The following PDE1A variants were observed in gnomAD, a reference collection of about 807,000 sequenced individuals.
PDE1A encodes the protein dual specificity calcium/calmodulin-dependent 3',5'-cyclic nucleotide phosphodiesterase 1A.
In PDE1A, 35 loss-of-function variants were observed where a neutral mutation model predicts 61.7. The ratio of observed to expected loss-of-function variants is 0.57; its 90% CI spans 0.43 to 0.75. PDE1A has a LOEUF of 0.75. Ranked by LOEUF, PDE1A falls within the 30% of genes least tolerant of loss-of-function variation. PDE1A has a pLI of 0.00. For synonymous variants in PDE1A, 232 were observed against 213.2 expected (o/e 1.09, Z -0.77); for missense variants, 597 against 630.6 (o/e 0.95, Z 0.57).
chr2:182,242,887 T>TCTCTCTCC (rs1185372464), intron 2 of PDE1A, among the ~76,000 whole-genome samples: 9,550 of 72,204 alleles, frequency 0.13, 579 homozygotes, highest in East Asian at 0.25. Context: ...CTCCTCCCTC[T>TCTCTCTCC]CTCTCTCTCT....
At chr2:182,559,572 T>G in the PDE1A span, among the ~76,000 whole-genome samples, 6 of 152,296 alleles carry the variant, frequency 3.9e-5, no homozygotes, top group Middle Eastern at 0.017. Context: ...TACTTTACGG[T>G]ACCTACTAAA....
intron 2 of PDE1A, among the ~76,000 whole-genome samples, chr2:182,488,445 A>C (rs953933685): frequency 1.3e-5 from 2 of 152,204 alleles, no homozygotes; most frequent in African/African-American, 4.8e-5. Flanking sequence ...TGAAAAAGCA[A>C]ATCATATAAT....
At chr2:182,383,938 T>C (rs1184152171) in intron 1 of PDE1A, among the ~76,000 whole-genome samples, 1 of 152,180 alleles carries the variant, frequency 6.6e-6, no homozygotes, top group Non-Finnish European at 1.5e-5. Flanking sequence ...AAGACTTCTA[T>C]AGTCTCATAC....
At chr2:182,455,407 G>A (rs1179129819) in intron 2 of PDE1A, among the ~76,000 whole-genome samples, 4 of 151,794 alleles carry the variant, frequency 2.6e-5, no homozygotes, top group Non-Finnish European at 5.9e-5. Context: ...CCATTACTGG[G>A]TATATATCCA....
At chr2:182,172,993 G>C (rs1460447310) in intron 13 of PDE1A, among the ~76,000 whole-genome samples, 1 of 151,922 alleles carries the variant, frequency 6.6e-6, no homozygotes, top group Non-Finnish European at 1.5e-5. Context: ...TATCATGTGG[G>C]ATAGACACAA....
intron 1 of PDE1A, among the ~76,000 whole-genome samples, chr2:182,425,785 G>A (rs1010643089): frequency 6.6e-6 from 1 of 152,104 alleles, no homozygotes; most frequent in East Asian, 1.9e-4. Flanking sequence ...ATATTATTTT[G>A]TGGAAAGACA....
At chr2:182,649,671 C>A in the PDE1A span, among the ~76,000 whole-genome samples, 8 of 151,632 alleles carry the variant, frequency 5.3e-5, no homozygotes, top group Admixed American at 5.3e-4. Context: ...ATTGCAGGGG[C>A]GCAATCTCAG....
intron 2 of PDE1A, among the ~76,000 whole-genome samples, chr2:182,472,818 A>G (rs192178472): frequency 2.7e-4 from 41 of 152,050 alleles, no homozygotes; most frequent in African/African-American, 7.2e-4. Context: ...GATTTTCTTT[A>G]GGCAAAAAGA....
chr2:182,713,135 A>G, the PDE1A span, among the ~76,000 whole-genome samples: 8 of 152,078 alleles, frequency 5.3e-5, no homozygotes, highest in African/African-American at 2.4e-5. Context: ...TTTTGCCCAT[A>G]TATGTTAAAT....
At chr2:182,315,213 A>G (rs1696257534) in intron 1 of PDE1A, among the ~76,000 whole-genome samples, 1 of 152,194 alleles carries the variant, frequency 6.6e-6, no homozygotes, top group Non-Finnish European at 1.5e-5. Flanking sequence ...AAATACATTT[A>G]TATGCATGTG....
chr2:182,291,411 A>G (rs1355903966), intron 1 of PDE1A, among the ~76,000 whole-genome samples: 3 of 152,148 alleles, frequency 2.0e-5, no homozygotes, highest in African/African-American at 7.2e-5. Flanking sequence ...AGGGTTAATC[A>G]CCCCTTCTGG....
chr2:182,362,056 G>T (rs1699543742), intron 1 of PDE1A, among the ~76,000 whole-genome samples: 1 of 151,976 alleles, frequency 6.6e-6, no homozygotes, highest in African/African-American at 2.4e-5. Context: ...TTTTATGAAA[G>T]AAAAAACAAA....
chr2:182,580,335 T>A, the PDE1A span, among the ~76,000 whole-genome samples: 1 of 152,154 alleles, frequency 6.6e-6, no homozygotes, highest in African/African-American at 2.4e-5. Context: ...GAGATCCAGA[T>A]TGGATTCATC....
the PDE1A span, among the ~76,000 whole-genome samples, chr2:182,697,572 C>T: frequency 6.6e-6 from 1 of 152,196 alleles, no homozygotes; most frequent in Admixed American, 6.5e-5. Flanking sequence ...GGCAAAACAC[C>T]ACGCTGCCAG....
At chr2:182,565,015 G>A in the PDE1A span, among the ~76,000 whole-genome samples, 10 of 152,048 alleles carry the variant, frequency 6.6e-5, no homozygotes, top group Admixed American at 1.3e-4. Context: ...CCTGTAGCTC[G>A]GAGTAGTTTG....
intron 2 of PDE1A, among the ~76,000 whole-genome samples, chr2:182,259,837 C>T (rs968337471): frequency 3.3e-5 from 5 of 152,318 alleles, no homozygotes; most frequent in African/African-American, 1.2e-4. Context: ...TGCTACTTTG[C>T]TTGGCAATAT....
intron 1 of PDE1A, among the ~76,000 whole-genome samples, chr2:182,312,230 C>T (rs1196712914): frequency 1.3e-5 from 2 of 151,794 alleles, no homozygotes; most frequent in South Asian, 2.1e-4. Flanking sequence ...AAATATATTT[C>T]CCTGTCCATG....
intron 1 of PDE1A, among the ~76,000 whole-genome samples, chr2:182,304,306 G>A (rs989059647): frequency 2.0e-5 from 3 of 152,102 alleles, no homozygotes; most frequent in African/African-American, 7.2e-5. Context: ...CTCTGGATTA[G>A]GCTTTGGCTT....
the PDE1A span, among the ~76,000 whole-genome samples, chr2:182,591,493 A>G: frequency 7.2e-5 from 11 of 152,200 alleles, no homozygotes; most frequent in Admixed American, 7.2e-4. Context: ...GGGACCAAAT[A>G]GCATTCTAGA....
Sources: allele counts gnomAD v4.1 joint callset (sites outside exome capture counted in the v4.1 genomes callset), GRCh38; gene constraint gnomAD v4.1.1; transcripts MANE v1.5; gene names NCBI Gene and HGNC (gene_info 2026-07-23, HGNC 2026-07-21).